KCNH1: variants seen among roughly 807,000 people sequenced by gnomAD.
KCNH1 encodes the protein voltage-gated delayed rectifier potassium channel KCNH1.
KCNH1 carries 27 observed loss-of-function variants against 69.2 expected under a neutral mutation model. That is an observed-to-expected ratio of 0.39 (90% CI 0.29 to 0.54). KCNH1 has a LOEUF of 0.54. KCNH1 is among the 20% of genes least tolerant of loss of function. KCNH1 has a pLI of 0.68. For missense variants in KCNH1, 798 were observed against 1,261.6 expected (o/e 0.63, Z 5.57); for synonymous variants, 456 against 487.7 (o/e 0.93, Z 0.86).
chr1:210,739,258 A>G (rs1247534969), intron 10 of KCNH1, among the ~76,000 whole-genome samples: 2 of 152,228 alleles, frequency 1.3e-5, no homozygotes, highest in African/African-American at 4.8e-5. Context: ...AGGAGACTGT[A>G]TGAAAAGAGT....
intron 10 of KCNH1, among the ~76,000 whole-genome samples, chr1:210,700,471 G>T (rs1681746990): frequency 6.6e-6 from 1 of 152,110 alleles, no homozygotes. Context: ...GCTCTGCCTG[G>T]GTTTCAACAG....
In KCNH1 at chr1:210,934,308, T is replaced by C. The variant is rs137971514; in HGVS notation, c.1033-14239A>G. ...CAAGGATGAATATCCTTAAGTAATA[T>C]CTAGAATATACAAGGAACTCAACAG... On this transcript the variant is annotated intron_variant, in intron 6 of 10. Transcript: ENST00000271751. 6.0e-3 allele frequency among the ~76,000 whole-genome samples: 911 copies of C among 152,234 alleles called. 9 individuals carry two copies. Among genetic ancestry groups the C allele is most frequent in the African/African-American group, 0.021 (868 of 41,526 alleles).
intron 7 of KCNH1, among the ~76,000 whole-genome samples, chr1:210,829,092 A>C (rs1443930516): frequency 6.6e-6 from 1 of 152,168 alleles, no homozygotes; most frequent in East Asian, 1.9e-4. Flanking sequence ...ATCTCTCCTG[A>C]GGGCAGTGGG....
chr1:211,107,297 C>T lies in KCNH1; in HGVS notation c.160G>A (p.Gly54Ser). ...YSNDGFCKLS[G>S]YHRAEVMQKS... is the part of the protein sequence containing the mutation. Reference sequence around the variant, plus strand: ...TGCATCACTTCTGCCCTGTGATAGCCAGACAGCTTGCAAAATCCATCATTG... The same window carrying T: ...TGCATCACTTCTGCCCTGTGATAGCTAGACAGCTTGCAAAATCCATCATTG... The change falls in exon 2 of 11, where the codon GGC becomes AGC. Residue 54 changes from glycine (G) to serine (S), a missense_variant. Gly to Ser is a moderately conservative substitution (Grantham distance 56). Coordinates refer to ENST00000271751, the MANE Select transcript of KCNH1 (RefSeq NM_172362.3). 2 of 1,613,652 alleles carry T rather than the reference C, an allele frequency of 1.2e-6. No individual in the cohort carries two copies. Among genetic ancestry groups the T allele is most frequent in the South Asian group, 1.1e-5 (1 of 91,058 alleles).
chr1:210,821,922 G>C (rs908891987), intron 7 of KCNH1, among the ~76,000 whole-genome samples: 3 of 151,592 alleles, frequency 2.0e-5, no homozygotes, highest in African/African-American at 7.3e-5. Context: ...TTGCAGCCTC[G>C]AACTCCGTGG....
chr1:211,057,009 C>T (rs145678184), intron 5 of KCNH1, among the ~76,000 whole-genome samples: 115 of 152,244 alleles, frequency 7.6e-4, no homozygotes, highest in African/African-American at 2.6e-3. Context: ...CAGTAAAATG[C>T]GACCTCACCC....
intron 5 of KCNH1, among the ~76,000 whole-genome samples, chr1:211,056,275 G>T (rs766525352): frequency 3.9e-5 from 6 of 152,004 alleles, no homozygotes; most frequent in Non-Finnish European, 8.8e-5. Flanking sequence ...GGCAGTACTT[G>T]CCAAGGGGCC....
At chr1:210,706,600 C>T (rs1681918591) in intron 10 of KCNH1, among the ~76,000 whole-genome samples, 2 of 152,154 alleles carry the variant, frequency 1.3e-5, no homozygotes, top group African/African-American at 2.4e-5. Flanking sequence ...TCTGTGTTAC[C>T]GATGAGGAAA....
At chr1:210,904,303 T>C (rs1329250343) in intron 7 of KCNH1, among the ~76,000 whole-genome samples, 1 of 152,108 alleles carries the variant, frequency 6.6e-6, no homozygotes, top group Non-Finnish European at 1.5e-5. Context: ...CTCCACACCA[T>C]GTAGAAGAAC....
At chr1:210,953,975 G>A (rs894296903) in intron 6 of KCNH1, among the ~76,000 whole-genome samples, 2 of 152,128 alleles carry the variant, frequency 1.3e-5, no homozygotes, top group African/African-American at 2.4e-5. Flanking sequence ...GTATACATGT[G>A]CCATGTTGGT....
intron 1 of KCNH1, among the ~76,000 whole-genome samples, chr1:211,109,099 T>A (rs1691414397): frequency 6.6e-6 from 1 of 152,228 alleles, no homozygotes; most frequent in Admixed American, 6.5e-5. Flanking sequence ...ACTTTTTGAA[T>A]GCCTAAAAGG....
In KCNH1 at chr1:210,903,096, C is replaced by T. The variant is rs191484630; in HGVS notation, c.1462+16544G>A. The stretch of plus-strand genomic sequence containing the variant: ...TGCACTGGGTTCTCTGGTCTGCCTC[C>T]ATGCCCTGCCATCTCTCTTTTTTTT... On this transcript the variant is annotated intron_variant, in intron 7 of 10. Coordinates refer to ENST00000271751, the MANE Select transcript of KCNH1 (RefSeq NM_172362.3). Among the ~76,000 whole-genome samples, 366 of 150,292 alleles carry T rather than the reference C, an allele frequency of 2.4e-3. 3 individuals are homozygous for T. The highest frequency in any genetic ancestry group is 8.5e-3 in the African/African-American group (351 of 41,478).
intron 6 of KCNH1, among the ~76,000 whole-genome samples, chr1:211,006,597 A>G (rs1689290638): frequency 6.6e-6 from 1 of 152,160 alleles, no homozygotes; most frequent in East Asian, 1.9e-4. Flanking sequence ...GTTACATTCT[A>G]TTTCTTGACC....
At chr1:210,846,571 A>C (rs902548964) in intron 7 of KCNH1, among the ~76,000 whole-genome samples, 2 of 152,224 alleles carry the variant, frequency 1.3e-5, no homozygotes, top group African/African-American at 2.4e-5. Context: ...CCTTACACAA[A>C]AATTAATTCA....
chr1:210,829,684 C>G (rs1303653301), intron 7 of KCNH1, among the ~76,000 whole-genome samples: 1 of 152,176 alleles, frequency 6.6e-6, no homozygotes, highest in Admixed American at 6.5e-5. Context: ...AATAACTGTA[C>G]TGCTAACTAC....
At chr1:211,081,812 C>A (rs2102466419) in intron 5 of KCNH1, among the ~76,000 whole-genome samples, 1 of 152,124 alleles carries the variant, frequency 6.6e-6, no homozygotes, top group South Asian at 2.1e-4. Flanking sequence ...ACCCCGGGGC[C>A]TGTCATGGGA....
intron 7 of KCNH1, among the ~76,000 whole-genome samples, chr1:210,918,009 T>C (rs747374072): frequency 2.6e-5 from 4 of 152,176 alleles, no homozygotes; most frequent in Non-Finnish European, 2.9e-5. Flanking sequence ...CAAAGCTCCA[T>C]AGGCACACAC....
chr1:211,028,148 T>C (rs559239579), intron 5 of KCNH1, among the ~76,000 whole-genome samples: 23 of 152,094 alleles, frequency 1.5e-4, no homozygotes, highest in African/African-American at 5.5e-4. Context: ...TCAGCTACAA[T>C]GGAATCACAC....
At chr1:210,710,535 A>G (rs1682046793) in intron 10 of KCNH1, among the ~76,000 whole-genome samples, 1 of 152,232 alleles carries the variant, frequency 6.6e-6, no homozygotes, top group Admixed American at 6.5e-5. Context: ...AACAATGGCT[A>G]TGATATCACT....
Sources: allele counts gnomAD v4.1 joint callset (sites outside exome capture counted in the v4.1 genomes callset), GRCh38; gene constraint gnomAD v4.1.1; transcripts MANE v1.5; gene names NCBI Gene and HGNC (gene_info 2026-07-23, HGNC 2026-07-21).